DERL3: variants seen among roughly 807,000 people sequenced by gnomAD.
DERL3 encodes derlin-3.
Under a neutral mutation model 23.8 loss-of-function variants are expected in DERL3, and 20 were observed. The observed-to-expected ratio is 0.84, with a 90% CI of 0.59 to 1.22. The LOEUF is 1.22. DERL3 is among the 50% of genes most tolerant of loss of function. DERL3 has a pLI of 0.00. For synonymous variants in DERL3, 145 were observed against 132.5 expected (o/e 1.09, Z -0.65); for missense variants, 319 against 304.1 (o/e 1.05, Z -0.36).
At position 23,834,717 on chromosome 22, in the gene DERL3, G is replaced by A; in HGVS notation, c.*2152C>T. The A allele has an allele frequency of 7.1e-7, 1 of 1,410,766 alleles. No individual in the cohort carries two copies. The highest frequency in any genetic ancestry group is 2.4e-5 in the Admixed American group (1 of 42,030). 87.4% of individuals were successfully genotyped at this position (1,410,766 alleles called of 1,614,324 possible). On this transcript the variant is annotated 3_prime_UTR_variant, in exon 7 of 7. Transcript: ENST00000318109. ...CCTCAGCTCCTCTCAGCTCCCCTCAGCCTGTTCTCCTTCCAGACCCAGAGA... is the reference window on the plus strand; with the variant it reads ...CCTCAGCTCCTCTCAGCTCCCCTCAACCTGTTCTCCTTCCAGACCCAGAGA...
At position 23,835,294 on chromosome 22, in the gene DERL3, G is replaced by A. The variant is rs1052411550; in HGVS notation, c.*1575C>T. 44 of 1,050,298 alleles carry A rather than the reference G, an allele frequency of 4.2e-5. No individual in the cohort carries two copies. The highest frequency in any genetic ancestry group is 8.7e-5 in the South Asian group (2 of 22,944). 65.1% of individuals were successfully genotyped at this position (1,050,298 alleles called of 1,614,324 possible). A position where few individuals can be genotyped will look rare whatever the true frequency, so the allele number is the denominator to read the frequency against. ...ATCTGGGAGGGCAGCAAACTGGCTC[G>A]CAGCTCCAGCCTTACTGAAGAGAAT... is the stretch of plus-strand genomic sequence containing the variant. On this transcript the variant is annotated 3_prime_UTR_variant, in exon 7 of 7. Transcript: ENST00000318109.
chr22:23,835,875 C>A lies in DERL3; in HGVS notation c.*994G>T. ...GGAAGGCTGGGCCCTCACTCCTGAC[C>A]GCCAGCTCACACCGCCGCAAAGCCA... On this transcript the variant is annotated 3_prime_UTR_variant, in exon 7 of 7. Coordinates refer to ENST00000318109, the MANE Select transcript of DERL3 (RefSeq NM_001002862.3). 2 of 985,490 alleles carry A rather than the reference C, an allele frequency of 2.0e-6. No individual in the cohort carries two copies. Among genetic ancestry groups the A allele is most frequent in the South Asian group, 4.7e-5 (1 of 21,286 alleles). The allele number at this position is 985,490 out of a possible 1,614,324, so 61.0% of individuals were successfully genotyped here.
chr22:23,838,626 G>A lies in DERL3; in HGVS notation c.171C>T (p.Leu57=), dbSNP rs776955270. 4.2e-6 allele frequency: 6 copies of A among 1,427,896 alleles called. No homozygotes were observed. The highest frequency in any genetic ancestry group is 3.4e-5 in the East Asian group (1 of 29,780). 88.5% of individuals were successfully genotyped at this position (1,427,896 alleles called of 1,614,324 possible). Residue 57 remains leucine, a synonymous_variant, in exon 3 of 7, where the codon CTC becomes CTT. Transcript: ENST00000318109. ...LVFRKFQVWR[L]VTNFLFFGPL... ...GCCCGAAGAAGAGGAAGTTGGTGACGAGCCTCCAGACCTACGGGGGACGGG... is the reference window on the plus strand; with the variant it reads ...GCCCGAAGAAGAGGAAGTTGGTGACAAGCCTCCAGACCTACGGGGGACGGG...
In DERL3 at chr22:23,835,751, G is replaced by C. The variant is rs1019950385; in HGVS notation, c.*1118C>G. The stretch of plus-strand genomic sequence containing the variant: ...TGAGGTAGGAACCTCGGCAATGAAA[G>C]GGTGAGGCAGCCCTGTGTCTCCACA... On this transcript the variant is annotated 3_prime_UTR_variant, in exon 7 of 7. Transcript: ENST00000318109. 2 of 985,366 alleles carry C rather than the reference G, an allele frequency of 2.0e-6. No homozygotes were observed. Among genetic ancestry groups the C allele is most frequent in the Admixed American group, 1.2e-4 (2 of 16,274 alleles). The allele number at this position is 985,366 out of a possible 1,614,324, so 61.0% of individuals were successfully genotyped here.
chr22:23,835,054 A>G lies in DERL3; in HGVS notation c.*1815T>C. The G allele has an allele frequency of 7.1e-7, 1 of 1,404,656 alleles. No individual in the cohort carries two copies. The highest frequency in any genetic ancestry group is 9.2e-7 in the Non-Finnish European group (1 of 1,081,774). 87.0% of individuals were successfully genotyped at this position (1,404,656 alleles called of 1,614,324 possible). On this transcript the variant is annotated 3_prime_UTR_variant, in exon 7 of 7. Transcript: ENST00000318109. ...AGCTGGGGCCCTTTCCCACCCCAGC[A>G]GGTGCTGTGGCCTGGGCCAGCTCCT...
chr22:23,837,344 G>A, intron 5 of DERL3, 190 bp from the exon 6 acceptor site: 1 of 766,508 alleles, frequency 1.3e-6, no homozygotes, highest in Non-Finnish European at 2.1e-6. Context: ...CCCAGAAGCA[G>A]GCAGGACCCA....
rs1021678804 is a variant in DERL3 at position 23,837,290 on chromosome 22, A to G, written c.524-136T>C. 18 of 1,166,858 alleles carry G rather than the reference A, an allele frequency of 1.5e-5. No individual in the cohort carries two copies. In the African/African-American group the frequency reaches 1.6e-4, roughly 10 times the overall value. 72.3% of individuals were successfully genotyped at this position (1,166,858 alleles called of 1,614,324 possible). ...GCATGAGTGCCCCAAAGCCTTGCAC[A>G]GAGTGCCAGCCCCGGGTTGGCCGTG... On this transcript the variant is annotated intron_variant, in intron 5 of 6. Coordinates refer to ENST00000318109, the MANE Select transcript of DERL3 (RefSeq NM_001002862.3).
chr22:23,834,974 G>A lies in DERL3; in HGVS notation c.*1895C>T, dbSNP rs760892979. ...CCTGTGTGGGCACTGCTGGGCTGTCGCCAGCCTGGGTGCAGGAGGGCTGTT... is the reference window on the plus strand; with the variant it reads ...CCTGTGTGGGCACTGCTGGGCTGTCACCAGCCTGGGTGCAGGAGGGCTGTT... On this transcript the variant is annotated 3_prime_UTR_variant, in exon 7 of 7. Transcript: ENST00000318109. 7.7e-5 allele frequency: 119 copies of A among 1,542,042 alleles called. No homozygotes were observed. Among genetic ancestry groups the A allele is most frequent in the Admixed American group, 3.7e-4 (19 of 51,246 alleles).
At chr22:23,838,247 A>G (rs1444675499) in intron 4 of DERL3, 105 bp downstream of exon 4, 2 of 1,550,956 alleles carry the variant, frequency 1.3e-6, no homozygotes, top group South Asian at 2.4e-5. Flanking sequence ...AGCTGGAGAC[A>G]GCGACTGTGT....
chr22:23,838,479 G>A (rs1485438600), intron 3 of DERL3, 34 bp from the exon 4 acceptor site: 6 of 1,580,532 alleles, frequency 3.8e-6, no homozygotes. Flanking sequence ...CCACCAGGCG[G>A]GGCCTCAGTT....
At position 23,836,352 on chromosome 22, in the gene DERL3, A is replaced by T. The variant is rs35961970; in HGVS notation, c.*517T>A. 2 of 985,502 alleles carry T rather than the reference A, an allele frequency of 2.0e-6. No homozygotes were observed. The highest frequency in any genetic ancestry group is 3.5e-5 in the African/African-American group (2 of 57,250). 61.0% of individuals were successfully genotyped at this position (985,502 alleles called of 1,614,324 possible). ...AGAGGCTAGATTGGCATCAGCCTGA[A>T]GGCACCACTGGCAGGAACATCTGTA... On this transcript the variant is annotated 3_prime_UTR_variant, in exon 7 of 7. Transcript: ENST00000318109.
chr22:23,836,138 C>G lies in DERL3; in HGVS notation c.*731G>C. 4 of 985,428 alleles carry G rather than the reference C, an allele frequency of 4.1e-6. No homozygotes were observed. The highest frequency in any genetic ancestry group is 4.8e-6 in the Non-Finnish European group (4 of 829,948). The allele number at this position is 985,428 out of a possible 1,614,324, so 61.0% of individuals were successfully genotyped here. A position where few individuals can be genotyped will look rare whatever the true frequency, so the allele number is the denominator to read the frequency against. ...TCAGCTAAAAAGGGCAGGAACAGAA[C>G]CTTCCAGAAGTCCCTGCCTCACCCA... On this transcript the variant is annotated 3_prime_UTR_variant, in exon 7 of 7. Transcript: ENST00000318109.
Position 23,835,686 on chromosome 22 carries a change from A to G in DERL3, c.*1183T>C, listed in dbSNP as rs2030989720. The stretch of plus-strand genomic sequence containing the variant: ...AGATTCCCAGCCCAGCTGCTCTTAG[A>G]CATGAACAGGTTTCATTGCTGAGGT... On this transcript the variant is annotated 3_prime_UTR_variant, in exon 7 of 7. Transcript: ENST00000318109. 1 of 985,410 alleles carries G rather than the reference A, an allele frequency of 1.0e-6. No individual in the cohort carries two copies. The allele number at this position is 985,410 out of a possible 1,614,324, so 61.0% of individuals were successfully genotyped here.
Position 23,837,857 on chromosome 22 carries a change from G to T in DERL3, c.328-3C>A, listed in dbSNP as rs2031222810. On this transcript the variant is annotated splice_region_variant and splice_polypyrimidine_tract_variant and intron_variant, in intron 4 of 6. Transcript: ENST00000318109. ...AGGCTGCCCAGGAGTCCCAGCAGCTGGGCCAGAGTCAAGGTGCTCCGGTGC... is the reference window on the plus strand; with the variant it reads ...AGGCTGCCCAGGAGTCCCAGCAGCTTGGCCAGAGTCAAGGTGCTCCGGTGC... 3 of 1,610,192 alleles carry T rather than the reference G, an allele frequency of 1.9e-6. No homozygotes were observed. The highest frequency in any genetic ancestry group is 2.5e-6 in the Non-Finnish European group (3 of 1,177,782).
chr22:23,837,537 G>T, intron 5 of DERL3, 122 bp downstream of exon 5: 2 of 1,037,970 alleles, frequency 1.9e-6, no homozygotes, highest in East Asian at 2.6e-5. Flanking sequence ...GCAGGAAGAT[G>T]GGGATGGAGC....
Position 23,836,512 on chromosome 22 carries a change from T to C in DERL3, c.*357A>G. ...GCCCAAGGCCCTGGTGGGGCCAGGA[T>C]GAGAACCCTGAGCCTGTCACCTGTG... is the stretch of plus-strand genomic sequence containing the variant. On this transcript the variant is annotated 3_prime_UTR_variant, in exon 7 of 7. Coordinates refer to ENST00000318109, the MANE Select transcript of DERL3 (RefSeq NM_001002862.3). The C allele has an allele frequency of 9.8e-7, 1 of 1,020,554 alleles. No individual in the cohort carries two copies. Among genetic ancestry groups the C allele is most frequent in the Non-Finnish European group, 1.2e-6 (1 of 853,920 alleles). 63.2% of individuals were successfully genotyped at this position (1,020,554 alleles called of 1,614,324 possible).
chr22:23,836,723 G>A lies in DERL3; in HGVS notation c.*146C>T, dbSNP rs1208303005. The A allele has an allele frequency of 3.7e-6, 5 of 1,358,066 alleles. No homozygotes were observed. Among genetic ancestry groups the A allele is most frequent in the Middle Eastern group, 2.7e-4 (1 of 3,714 alleles). 84.1% of individuals were successfully genotyped at this position (1,358,066 alleles called of 1,614,324 possible). A position where few individuals can be genotyped will look rare whatever the true frequency, so the allele number is the denominator to read the frequency against. On this transcript the variant is annotated 3_prime_UTR_variant, in exon 7 of 7. Transcript: ENST00000318109. Reference sequence around the variant, plus strand: ...GTGAGATGGGGAAGCCAGTGCTGTGGGCCAAGAGACTGCAGCTCATTCTGT... The same window carrying A: ...GTGAGATGGGGAAGCCAGTGCTGTGAGCCAAGAGACTGCAGCTCATTCTGT...
rs758682305 is a variant in DERL3 at position 23,837,830 on chromosome 22, A to C, written c.352T>G (p.Phe118Val). 5.6e-6 allele frequency: 9 copies of C among 1,613,238 alleles called. No homozygotes were observed. The East Asian group carries it at 1.8e-4, about 32-fold the overall frequency. Residue 118 changes from phenylalanine to valine, a missense_variant, in exon 5 of 7, where the codon TTC (phenylalanine) becomes GTC (valine). Physicochemically the swap from Phe to Val is conservative, Grantham distance 50 (BLOSUM62 -1). Coordinates refer to ENST00000318109, the MANE Select transcript of DERL3 (RefSeq NM_001002862.3). ...MTLLGLLGSL[F>V]FLGQALMAML... ...GCCATGAGGGCCTGGCCCAGGAAGAACAGGCTGCCCAGGAGTCCCAGCAGC... is the reference window on the plus strand; with the variant it reads ...GCCATGAGGGCCTGGCCCAGGAAGACCAGGCTGCCCAGGAGTCCCAGCAGC...
chr22:23,837,439 C>G (rs530356685), intron 5 of DERL3: 3 of 646,860 alleles, frequency 4.6e-6, no homozygotes, highest in African/African-American at 1.8e-5. Context: ...CCATCAGGAC[C>G]GTGCAAGCAT....
Sources: gnomAD v4.1 joint callset for allele counts on GRCh38, gnomAD v4.1.1 for gene constraint, MANE v1.5 for transcripts, NCBI Gene and HGNC (gene_info 2026-07-23, HGNC 2026-07-21) for gene names.